CDH18: variants seen among roughly 807,000 people sequenced by gnomAD.
CDH18 encodes cadherin 18, also known as cadherin-18.
Under a neutral mutation model 67.9 loss-of-function variants are expected in CDH18, and 31 were observed. The observed-to-expected ratio is 0.46, with a 90% confidence interval of 0.34 to 0.62. CDH18 has a LOEUF of 0.62. CDH18 is among the 20% of genes least tolerant of loss of function. CDH18 has a pLI of 0.01. For missense variants in CDH18, 890 were observed against 975.5 expected (o/e 0.91, Z 1.17); for synonymous variants, 362 against 347.2 (o/e 1.04, Z -0.48).
intron 2 of CDH18, among the ~76,000 whole-genome samples, chr5:20,248,490 C>T (rs1743558395): frequency 6.6e-6 from 1 of 152,220 alleles, no homozygotes. Flanking sequence ...TGCACCCAAA[C>T]TAGCAGCAGC....
At chr5:19,514,531 C>A (rs143948313) in intron 10 of CDH18, among the ~76,000 whole-genome samples, 1 of 152,068 alleles carries the variant, frequency 6.6e-6, no homozygotes, top group Non-Finnish European at 1.5e-5. Context: ...TTTTAGTGAT[C>A]GCCATTCTAA....
intron 2 of CDH18, among the ~76,000 whole-genome samples, chr5:19,867,890 T>C (rs1785754296): frequency 6.6e-6 from 1 of 152,084 alleles, no homozygotes; most frequent in African/African-American, 2.4e-5. Context: ...CTGTGGGAGG[T>C]AATTGAATCA....
chr5:20,358,436 C>G (rs1332014390), intron 1 of CDH18, among the ~76,000 whole-genome samples: 7 of 152,114 alleles, frequency 4.6e-5, no homozygotes, highest in African/African-American at 1.7e-4. Flanking sequence ...ATAAAGGGTA[C>G]AGATATTTCT....
rs1044897128 is a variant in CDH18, at chr5:20,379,375, C to G, written c.-579-123870G>C. On this transcript the variant is annotated intron_variant, in intron 1 of 14. Transcript: ENST00000507958. ...TACATACAATCATACTTAACAGTGA[C>G]AAATGCCAACTTCAGTTTCTCCTGA... Among the ~76,000 whole-genome samples the G allele has an allele frequency of 2.0e-5, 3 of 152,152 alleles. No individual in the cohort carries two copies. The South Asian group carries it at 6.2e-4, about 32-fold the overall frequency.
intron 2 of CDH18, among the ~76,000 whole-genome samples, chr5:19,911,011 A>G (rs553680876): frequency 1.1e-4 from 17 of 152,198 alleles, no homozygotes; most frequent in African/African-American, 4.1e-4. Flanking sequence ...GGTAGGGGAA[A>G]ATTTTCAGGT....
At position 19,851,949 on chromosome 5, in the gene CDH18, A is replaced by G. The variant is rs545568249; in HGVS notation, c.-256-12707T>C. Among the ~76,000 whole-genome samples, 15 of 152,142 alleles carry G rather than the reference A, an allele frequency of 9.9e-5. No individual in the cohort carries two copies. In the South Asian group the frequency reaches 2.9e-3, roughly 29 times the overall value. ...AGAAACAAAGGAAATGTATGTATAG[A>G]ATGTGTTTCTAATAGCATTGTTTTG... On this transcript the variant is annotated intron_variant, in intron 2 of 12. Coordinates refer to ENST00000382275, the MANE Select transcript of CDH18 (RefSeq NM_004934.5).
intron 8 of CDH18, among the ~76,000 whole-genome samples, chr5:19,561,068 A>T (rs1024472523): frequency 1.3e-5 from 2 of 152,140 alleles, no homozygotes; most frequent in Non-Finnish European, 2.9e-5. Context: ...TGGGAGTGCA[A>T]ACTAGTACAA....
intron 2 of CDH18, among the ~76,000 whole-genome samples, chr5:20,208,957 G>A (rs745952244): frequency 3.9e-5 from 6 of 151,940 alleles, no homozygotes; most frequent in East Asian, 3.9e-4. Flanking sequence ...TAGATATTTC[G>A]CAAAAGAAGA....
intron 3 of CDH18, among the ~76,000 whole-genome samples, chr5:19,755,427 G>GTATACATATATATATATATA (rs1373982305): frequency 9.0e-5 from 4 of 44,660 alleles, no homozygotes; most frequent in African/African-American, 2.6e-4. Flanking sequence ...AACTAACAGG[G>GTATACATATATATATATATA]TATGTATATA....
intron 2 of CDH18, among the ~76,000 whole-genome samples, chr5:20,242,805 A>G (rs1336597816): frequency 6.6e-6 from 1 of 151,482 alleles, no homozygotes; most frequent in Non-Finnish European, 1.5e-5. Context: ...ATCCCATAAC[A>G]ATATTTAAAT....
At position 20,392,511 on chromosome 5, in the gene CDH18, T is replaced by C. The variant is rs566533295; in HGVS notation, c.-579-137006A>G. Among the ~76,000 whole-genome samples, 4 of 152,060 alleles carry C rather than the reference T, an allele frequency of 2.6e-5. No individual in the cohort carries two copies. The South Asian group carries it at 6.2e-4, about 24-fold the overall frequency. ...TTTATAATTTCTAGCTAAAATTTTC[T>C]TATAACTCACTATTCAGTGCATAAA... On this transcript the variant is annotated intron_variant, in intron 1 of 14. Coordinates refer to the CDH18 transcript ENST00000507958.
intron 2 of CDH18, among the ~76,000 whole-genome samples, chr5:20,069,951 T>C (rs554240892): frequency 2.0e-4 from 31 of 152,294 alleles, no homozygotes; most frequent in Admixed American, 4.6e-4. Flanking sequence ...TCATTCTCAG[T>C]GTTGTACAGT....
At chr5:19,637,914 G>A (rs1007993052) in intron 5 of CDH18, among the ~76,000 whole-genome samples, 1 of 152,114 alleles carries the variant, frequency 6.6e-6, no homozygotes, top group African/African-American at 2.4e-5. Flanking sequence ...TAAAATCTGT[G>A]TACCATGCTT....
chr5:20,069,537 C>T (rs1047548089), intron 2 of CDH18, among the ~76,000 whole-genome samples: 28 of 151,806 alleles, frequency 1.8e-4, no homozygotes, highest in Admixed American at 1.5e-3. Context: ...CTCAGCCTCC[C>T]GAGTAGCTGG....
chr5:20,513,854 T>C (rs925365009), intron 1 of CDH18, among the ~76,000 whole-genome samples: 9 of 152,170 alleles, frequency 5.9e-5, no homozygotes, highest in Non-Finnish European at 1.0e-4. Flanking sequence ...TCTTAATAAA[T>C]ATTTCTGTAG....
At chr5:19,570,084 C>A (rs984381893) in intron 8 of CDH18, among the ~76,000 whole-genome samples, 4 of 152,052 alleles carry the variant, frequency 2.6e-5, no homozygotes, top group African/African-American at 9.7e-5. Context: ...AAGAAAGCCT[C>A]ATTTGTACAG....
At chr5:20,079,957 C>T (rs1300870197) in intron 2 of CDH18, among the ~76,000 whole-genome samples, 1 of 152,124 alleles carries the variant, frequency 6.6e-6, no homozygotes, top group African/African-American at 2.4e-5. Flanking sequence ...CCCTATAAGT[C>T]ACCAATCCCA....
At chr5:20,397,127 T>C (rs1202894212) in intron 1 of CDH18, among the ~76,000 whole-genome samples, 1 of 152,104 alleles carries the variant, frequency 6.6e-6, no homozygotes, top group Non-Finnish European at 1.5e-5. Context: ...TGTTTTTGTT[T>C]TTTGTGGTGT....
intron 2 of CDH18, among the ~76,000 whole-genome samples, chr5:20,190,076 C>A (rs1310350781): frequency 3.9e-5 from 6 of 152,092 alleles, no homozygotes; most frequent in Non-Finnish European, 1.5e-5. Flanking sequence ...TAGGCTCCAG[C>A]CCCTAGCTTC....
Sources: allele counts gnomAD v4.1 joint callset (sites outside exome capture counted in the v4.1 genomes callset), GRCh38; gene constraint gnomAD v4.1.1; transcripts MANE v1.5; gene names NCBI Gene and HGNC (gene_info 2026-07-23, HGNC 2026-07-21).